WDR70: variants seen among roughly 807,000 people sequenced by gnomAD.
WDR70 encodes the protein WD repeat-containing protein 70.
In WDR70, 53 loss-of-function variants were observed where a neutral mutation model predicts 88.6. The ratio of observed to expected loss-of-function variants is 0.60; its 90% CI spans 0.48 to 0.75. WDR70 has a LOEUF of 0.75. WDR70 is among the 30% of genes least tolerant of loss of function. The pLI is 0.00. For synonymous variants in WDR70, 280 were observed against 270.0 expected (o/e 1.04, Z -0.36); for missense variants, 610 against 823.2 (o/e 0.74, Z 3.17).
rs143070080 is a variant in WDR70, at chr5:37,496,998, G to C, written c.840+17011G>C. Among the ~76,000 whole-genome samples, 79 of 152,316 alleles carry C rather than the reference G, an allele frequency of 5.2e-4. 1 individual carries two copies. Among genetic ancestry groups the C allele is most frequent in the Admixed American group, 4.1e-3 (62 of 15,294 alleles). ...TAGGATCTAAGTCCTCAAAGGCTGGGCATGTCTTGGATTATTGGAATGTTT... is the reference window on the plus strand; with the variant it reads ...TAGGATCTAAGTCCTCAAAGGCTGGCCATGTCTTGGATTATTGGAATGTTT... On this transcript the variant is annotated intron_variant, in intron 8 of 17. Coordinates refer to ENST00000265107, the MANE Select transcript of WDR70 (RefSeq NM_018034.4).
At chr5:37,449,113 A>T (rs1354405647) in intron 7 of WDR70, among the ~76,000 whole-genome samples, 1 of 152,156 alleles carries the variant, frequency 6.6e-6, no homozygotes, top group African/African-American at 2.4e-5. Flanking sequence ...GCAGTGGAAA[A>T]ATTTGGCTCC....
intron 7 of WDR70, among the ~76,000 whole-genome samples, chr5:37,474,624 T>C (rs1739422918): frequency 6.6e-6 from 1 of 152,194 alleles, no homozygotes; most frequent in African/African-American, 2.4e-5. Context: ...GTTTGTTACA[T>C]AGGTAAACGT....
rs973891786 is a variant in WDR70, at chr5:37,484,104, C to T, written c.840+4117C>T. Among the ~76,000 whole-genome samples the T allele has an allele frequency of 5.1e-4, 77 of 152,130 alleles. 1 individual carries two copies. Among genetic ancestry groups the T allele is most frequent in the East Asian group, 1.9e-4 (1 of 5,152 alleles). On this transcript the variant is annotated intron_variant, in intron 8 of 17. Coordinates refer to ENST00000265107, the MANE Select transcript of WDR70 (RefSeq NM_018034.4). ...CTGGGCAGAGGGGCTCCTCACATCCCAGACGATGGGCGGCCAGGCAGAGAC... is the reference window on the plus strand; with the variant it reads ...CTGGGCAGAGGGGCTCCTCACATCCTAGACGATGGGCGGCCAGGCAGAGAC...
At chr5:37,469,715 C>T (rs528235430) in intron 7 of WDR70, among the ~76,000 whole-genome samples, 1 of 152,284 alleles carries the variant, frequency 6.6e-6, no homozygotes, top group South Asian at 2.1e-4. Context: ...TACTATATAG[C>T]TACTGAATGA....
At chr5:37,473,334 A>G (rs907893698) in intron 7 of WDR70, among the ~76,000 whole-genome samples, 1 of 134,662 alleles carries the variant, frequency 7.4e-6, no homozygotes, top group Non-Finnish European at 1.6e-5. Flanking sequence ...AGCTTGGTGT[A>G]TTCATATTCT....
At chr5:37,618,315 T>G (rs1425606653) in intron 10 of WDR70, among the ~76,000 whole-genome samples, 1 of 152,208 alleles carries the variant, frequency 6.6e-6, no homozygotes, top group Non-Finnish European at 1.5e-5. Context: ...GTGACTTGAA[T>G]TTAGTCAAAA....
chr5:37,665,733 T>A (rs1745820720), intron 10 of WDR70, among the ~76,000 whole-genome samples: 1 of 152,216 alleles, frequency 6.6e-6, no homozygotes, highest in South Asian at 2.1e-4. Context: ...TCACTCAGCT[T>A]TTGAAGGAAA....
chr5:37,749,417 G>GAA (rs758452528), intron 17 of WDR70, among the ~76,000 whole-genome samples: 3 of 151,192 alleles, frequency 2.0e-5, no homozygotes, highest in African/African-American at 4.9e-5. Context: ...ACAGAGAGGG[G>GAA]AACACCACAC....
chr5:37,655,656 A>T (rs1295205976), intron 10 of WDR70, among the ~76,000 whole-genome samples: 1 of 150,852 alleles, frequency 6.6e-6, no homozygotes, highest in Non-Finnish European at 1.5e-5. Context: ...TTTTTCTCTA[A>T]TCTTGTTTTC....
chr5:37,382,003 A>G (rs1191175740), intron 3 of WDR70, among the ~76,000 whole-genome samples: 1 of 73,436 alleles, frequency 1.4e-5, no homozygotes, highest in Non-Finnish European at 5.0e-5. Context: ...CAGTGAGCTG[A>G]TATACCCCCA....
chr5:37,383,403 G>A (rs1748494673), intron 3 of WDR70, among the ~76,000 whole-genome samples: 1 of 151,982 alleles, frequency 6.6e-6, no homozygotes, highest in South Asian at 2.1e-4. Flanking sequence ...GGGATTACAG[G>A]TGACCACCAC....
chr5:37,479,727 C>T lies in WDR70; in HGVS notation c.687-107C>T, dbSNP rs1739600276. ...GATGTTCCTGATTTTGTGGAATTAT[C>T]AATTTGTCCATTTGTGTAACATTTT... On this transcript the variant is annotated intron_variant, in intron 7 of 17. Transcript: ENST00000265107. 10 of 1,293,960 alleles carry T rather than the reference C, an allele frequency of 7.7e-6. No homozygotes were observed. The Admixed American group carries it at 9.0e-5, about 12-fold the overall frequency. 80.2% of individuals were successfully genotyped at this position (1,293,960 alleles called of 1,614,324 possible).
intron 7 of WDR70, among the ~76,000 whole-genome samples, chr5:37,447,804 G>C (rs1387307415): frequency 6.6e-6 from 1 of 152,170 alleles, no homozygotes; most frequent in African/African-American, 2.4e-5. Flanking sequence ...CGGGGAGGAG[G>C]GAGGGAGAGC....
In WDR70 at chr5:37,500,716, CTTTTTTTTT is replaced by C. The variant is rs550821207; in HGVS notation, c.841-15780_841-15772del. Reference sequence around the variant, plus strand: ...GAGCATTTTATCATATATTTGTTGGCTTTTTTTTTTTTTTTTTTTTTTTTTTGAGACAGA... The same window carrying C: ...GAGCATTTTATCATATATTTGTTGGCTTTTTTTTTTTTTTTTTGAGACAGA... On this transcript the variant is annotated intron_variant, in intron 8 of 17. Coordinates refer to ENST00000265107, the MANE Select transcript of WDR70 (RefSeq NM_018034.4). 3.8e-4 allele frequency among the ~76,000 whole-genome samples: 24 copies of C among 63,272 alleles called. No individual in the cohort carries two copies. In the East Asian group the frequency reaches 4.7e-3, roughly 13 times the overall value. 41.5% of individuals were successfully genotyped at this position (63,272 alleles called of 152,430 possible). A position where few individuals can be genotyped will look rare whatever the true frequency, so the allele number is the denominator to read the frequency against.
chr5:37,724,109 T>C (rs1350041568), intron 15 of WDR70: 1 of 152,140 alleles, frequency 6.6e-6, no homozygotes, highest in South Asian at 2.1e-4. Context: ...GGGGGTTTAA[T>C]CTGCACGTAA....
chr5:37,485,840 C>A (rs1006471092), intron 8 of WDR70, among the ~76,000 whole-genome samples: 10 of 148,258 alleles, frequency 6.7e-5, no homozygotes, highest in African/African-American at 2.3e-4. Flanking sequence ...TACAGGCATG[C>A]GCCACCATGC....
intron 9 of WDR70, among the ~76,000 whole-genome samples, chr5:37,562,518 A>G (rs1742541090): frequency 1.3e-5 from 2 of 151,768 alleles, no homozygotes; most frequent in East Asian, 1.9e-4. Flanking sequence ...TCACAGGACA[A>G]TAGTGGAGGG....
chr5:37,583,274 AAGTT>A (rs1743271488), intron 9 of WDR70, among the ~76,000 whole-genome samples: 1 of 151,974 alleles, frequency 6.6e-6, no homozygotes, highest in Non-Finnish European at 1.5e-5. Flanking sequence ...AAAATACAAA[AAGTT>A]AGCCAGGCGT....
intron 10 of WDR70, among the ~76,000 whole-genome samples, chr5:37,646,134 G>GT (rs1377967432): frequency 6.6e-6 from 1 of 151,504 alleles, no homozygotes; most frequent in Admixed American, 6.6e-5. Context: ...TCCATTGTAT[G>GT]TTTTTTGATT....
Sources: gnomAD v4.1 joint callset for allele counts (sites outside exome capture counted in the v4.1 genomes callset) on GRCh38, gnomAD v4.1.1 for gene constraint, MANE v1.5 for transcripts, NCBI Gene and HGNC (gene_info 2026-07-23, HGNC 2026-07-21) for gene names.